The following GUF1 variants were observed in gnomAD, a reference collection of about 807,000 sequenced individuals.
GUF1 encodes the protein GTP binding elongation factor GUF1.
In GUF1, 78 loss-of-function variants were observed where a neutral mutation model predicts 82.4. The observed-to-expected ratio is 0.95, with a 90% confidence interval of 0.79 to 1.14. The LOEUF (loss-of-function observed/expected upper bound fraction) is 1.14. Ranked by LOEUF, GUF1 falls within the 50% of genes most tolerant of loss-of-function variation. GUF1 has a pLI of 0.00. For synonymous variants in GUF1, 279 were observed against 282.3 expected (o/e 0.99, Z 0.12); for missense variants, 814 against 798.2 (o/e 1.02, Z -0.24).
At chr4:44,687,882 T>C in intron 8 of GUF1, 125 bp from the exon 9 acceptor site, 1 of 775,148 alleles carries the variant, frequency 1.3e-6, no homozygotes, top group Non-Finnish European at 2.0e-6. Flanking sequence ...ATGTAGCACT[T>C]ATTTTCAAAG....
chr4:44,680,966 T>C (rs1209150909), intron 3 of GUF1, 124 bp downstream of exon 3: 3 of 1,085,380 alleles, frequency 2.8e-6, no homozygotes, highest in Non-Finnish European at 4.1e-6. Flanking sequence ...GTTTTCTCAG[T>C]GTTCTTATGT....
chr4:44,695,810 TTTTAA>T, intron 15 of GUF1, 76 bp downstream of exon 15: 2 of 1,428,672 alleles, frequency 1.4e-6, no homozygotes, highest in Non-Finnish European at 1.9e-6. Context: ...ATATTGAACA[TTTTAA>T]TTTAACATTG....
Position 44,693,251 on chromosome 4 carries a change from C to A in GUF1, c.1614-1161C>A, listed in dbSNP as rs1307990878. ...TGCATTCTAAGGAAACACTAGAATA[C>A]CTATGTTTTCAATAGAGGTTAGGTA... On this transcript the variant is annotated intron_variant, in intron 13 of 16. Transcript: ENST00000281543. 2.0e-5 allele frequency among the ~76,000 whole-genome samples: 3 copies of A among 151,952 alleles called. No homozygotes were observed. The South Asian group carries it at 6.2e-4, about 32-fold the overall frequency.
At chr4:44,693,517 A>T (rs1011321626) in intron 13 of GUF1, among the ~76,000 whole-genome samples, 4 of 151,370 alleles carry the variant, frequency 2.6e-5, no homozygotes, top group Admixed American at 2.0e-4. Context: ...GAAAGAAAGG[A>T]TTTTAACAGT....
chr4:44,683,156 T>C (rs1208614987), intron 5 of GUF1, 79 bp from the exon 6 acceptor site: 3 of 870,114 alleles, frequency 3.4e-6, no homozygotes, highest in Admixed American at 3.1e-5. Flanking sequence ...GGTAAGCTTT[T>C]AATTACCTCC....
intron 6 of GUF1, 134 bp from the exon 7 acceptor site, chr4:44,685,825 T>C (rs1309735109): frequency 8.5e-6 from 5 of 585,664 alleles, no homozygotes; most frequent in Non-Finnish European, 1.5e-5. Context: ...TTTGTTCTTT[T>C]CCTTTTGGTG....
rs1715036134 is a variant in GUF1, at chr4:44,686,130, A to G, written c.734+107A>G. The G allele has an allele frequency of 3.9e-6, 3 of 772,542 alleles. No individual in the cohort carries two copies. The South Asian group carries it at 4.8e-5, about 12-fold the overall frequency. 47.9% of individuals were successfully genotyped at this position (772,542 alleles called of 1,614,324 possible). A position where few individuals can be genotyped will look rare whatever the true frequency, so the allele number is the denominator to read the frequency against. On this transcript the variant is annotated intron_variant, in intron 7 of 16. Coordinates refer to ENST00000281543, the MANE Select transcript of GUF1 (RefSeq NM_021927.3). ...CAGCTTGAACTGTTATTTTAGCTTA[A>G]TGGATGTGGCAAATATTCTTGCAGG...
intron 4 of GUF1, among the ~76,000 whole-genome samples, chr4:44,681,772 G>T (rs1714787108): frequency 6.6e-6 from 1 of 152,004 alleles, no homozygotes. Flanking sequence ...TGGTGACCGT[G>T]TTGTGTTAAG....
chr4:44,686,258 CATT>C (rs1433053571), intron 7 of GUF1, among the ~76,000 whole-genome samples: 1 of 151,938 alleles, frequency 6.6e-6, no homozygotes, highest in Non-Finnish European at 1.5e-5. Flanking sequence ...TCATGACAAT[CATT>C]ATAAAATATA....
At chr4:44,682,920 T>C (rs1714847853) in intron 5 of GUF1, among the ~76,000 whole-genome samples, 1 of 152,094 alleles carries the variant, frequency 6.6e-6, no homozygotes, top group South Asian at 2.1e-4. Context: ...TCAGACTTAA[T>C]GTTGTATTTA....
intron 4 of GUF1, among the ~76,000 whole-genome samples, chr4:44,681,785 G>A (rs1037662690): frequency 2.0e-5 from 3 of 151,960 alleles, no homozygotes; most frequent in East Asian, 1.9e-4. Flanking sequence ...GTGTTAAGCC[G>A]TTAAGCCTTT....
chr4:44,686,136 G>T, intron 7 of GUF1, 113 bp downstream of exon 7: 1 of 746,102 alleles, frequency 1.3e-6, no homozygotes, highest in Non-Finnish European at 2.3e-6. Flanking sequence ...CTTAATGGAT[G>T]TGGCAAATAT....
chr4:44,681,674 A>G (rs1028036877), intron 4 of GUF1, among the ~76,000 whole-genome samples: 1 of 152,152 alleles, frequency 6.6e-6, no homozygotes, highest in Non-Finnish European at 1.5e-5. Flanking sequence ...CACTCAGCAG[A>G]TGACCATGTA....
rs1361221734 is a variant in GUF1 at position 44,690,720 on chromosome 4, C to T, written c.1339C>T (p.His447Tyr). 6.5e-6 allele frequency: 10 copies of T among 1,530,062 alleles called. No individual in the cohort carries two copies. The highest frequency in any genetic ancestry group is 8.9e-6 in the Non-Finnish European group (10 of 1,119,574). 94.8% of individuals were successfully genotyped at this position (1,530,062 alleles called of 1,614,324 possible). Residue 447 changes from histidine to tyrosine, a missense_variant, in exon 12 of 17, where the codon CAT (histidine) becomes TAT (tyrosine). His to Tyr is a moderately conservative substitution (Grantham distance 83). Coordinates refer to ENST00000281543, the MANE Select transcript of GUF1 (RefSeq NM_021927.3). Reference protein sequence around the residue: ...VLSSSKLIKEHREKEITIINP... With the variant: ...VLSSSKLIKEYREKEITIINP... ...TGCTGATTTTTCTAATTTTTAGGAA[C>T]ATAGAGAAAAAGAAATTACAATTAT...
chr4:44,692,983 A>G (rs1715542373), intron 13 of GUF1, among the ~76,000 whole-genome samples: 1 of 152,038 alleles, frequency 6.6e-6, no homozygotes, highest in African/African-American at 2.4e-5. Context: ...TTGGAAACTT[A>G]AATACATTTT....
At chr4:44,686,896 G>C (rs190251983) in intron 8 of GUF1, among the ~76,000 whole-genome samples, 183 bp downstream of exon 8, 31 of 151,958 alleles carry the variant, frequency 2.0e-4, no homozygotes, top group African/African-American at 7.0e-4. Flanking sequence ...AACGTCAGTT[G>C]ATACTTTTTT....
chr4:44,694,807 T>A (rs1407353925), intron 14 of GUF1, among the ~76,000 whole-genome samples: 2 of 150,388 alleles, frequency 1.3e-5, no homozygotes, highest in Non-Finnish European at 3.0e-5. Context: ...GTTTTTTTGT[T>A]TTGTTTTGTT....
chr4:44,697,009 G>A (rs1715869461), intron 15 of GUF1, among the ~76,000 whole-genome samples: 1 of 152,150 alleles, frequency 6.6e-6, no homozygotes, highest in Non-Finnish European at 1.5e-5. Flanking sequence ...AGTAGAGGCA[G>A]TAATAAGATA....
intron 15 of GUF1, 57 bp from the exon 16 acceptor site, chr4:44,697,351 G>T: frequency 9.9e-7 from 1 of 1,013,128 alleles, no homozygotes; most frequent in Non-Finnish European, 1.4e-6. Context: ...TGGTAAGGAA[G>T]TGCTTTTAAA....
Sources: gnomAD v4.1 joint callset for allele counts (sites outside exome capture counted in the v4.1 genomes callset) on GRCh38, gnomAD v4.1.1 for gene constraint, MANE v1.5 for transcripts, NCBI Gene and HGNC (gene_info 2026-07-23, HGNC 2026-07-21) for gene names.